ANK2: variants seen among roughly 807,000 people sequenced by gnomAD.
ANK2 encodes ankyrin 2, also known as ankyrin-2.
ANK2 carries 83 observed loss-of-function variants against 360.5 expected under a neutral mutation model. The observed-to-expected ratio is 0.23, with a 90% CI of 0.19 to 0.28. The LOEUF (loss-of-function observed/expected upper bound fraction) is 0.28. ANK2 is among the 10% of genes least tolerant of loss of function. The pLI, the probability that ANK2 is intolerant of heterozygous loss-of-function variation, is 1.00. For missense variants in ANK2, 4,201 were observed against 4,795.7 expected, an observed-to-expected ratio of 0.88 and a Z score of 3.66; for synonymous variants, 1,740 against 1,759.5, an observed-to-expected ratio of 0.99 and a Z score of 0.28.
At chr4:113,324,741 C>T (rs561533485) in intron 26 of ANK2, among the ~76,000 whole-genome samples, 19 of 152,256 alleles carry the variant, frequency 1.2e-4, no homozygotes, top group South Asian at 1.2e-3. Context: ...CCTCAGAAAT[C>T]GGATTTAATC....
chr4:113,226,048 G>A (rs995441566), intron 4 of ANK2, among the ~76,000 whole-genome samples: 1 of 152,094 alleles, frequency 6.6e-6, no homozygotes, highest in Non-Finnish European at 1.5e-5. Flanking sequence ...GTGAAACAGA[G>A]TATAAATAAA....
Position 112,881,830 on chromosome 4 carries a change from T to C in ANK2, c.-39-22625T>C, listed in dbSNP as rs138830407. 269 of 937,902 alleles carry C rather than the reference T, an allele frequency of 2.9e-4. 2 individuals carry two copies. In the East Asian group the frequency reaches 6.4e-3, roughly 22 times the overall value. The allele number at this position is 937,902 out of a possible 1,614,324, so 58.1% of individuals were successfully genotyped here. A position where few individuals can be genotyped will look rare whatever the true frequency, so the allele number is the denominator to read the frequency against. ...TCTTCTTTAATGCCACCAACAAATA[T>C]CTTTTTCACAGTTAAGTGGGCACCG... On this transcript the variant is annotated intron_variant, in intron 1 of 30. Coordinates refer to the ANK2 transcript ENST00000503271.
chr4:113,192,054 C>T (rs1050360375), intron 2 of ANK2, among the ~76,000 whole-genome samples: 9 of 152,088 alleles, frequency 5.9e-5, no homozygotes, highest in African/African-American at 2.2e-4. Context: ...ACCAACAAAA[C>T]CATTTCTTTT....
At chr4:113,278,081 A>G (rs886071678) in intron 16 of ANK2, 146 bp downstream of exon 16, 3 of 827,812 alleles carry the variant, frequency 3.6e-6, no homozygotes, top group African/African-American at 1.7e-5. Flanking sequence ...GATGTCTTCC[A>G]TGACCGTCCA....
chr4:113,340,665 C>T (rs193034135), intron 32 of ANK2, among the ~76,000 whole-genome samples: 195 of 152,248 alleles, frequency 1.3e-3, no homozygotes, highest in African/African-American at 4.4e-3. Flanking sequence ...TCACTGCACT[C>T]CAGCCTGGGC....
the ANK2 span, among the ~76,000 whole-genome samples, chr4:112,710,903 TTA>T: frequency 0.02 from 2,783 of 141,234 alleles, 42 homozygotes; most frequent in African/African-American, 0.03. Flanking sequence ...TGAACAGGTT[TTA>T]TATATATATA....
intron 2 of ANK2, among the ~76,000 whole-genome samples, chr4:112,915,773 T>A (rs865930244): frequency 0.025 from 3,746 of 150,526 alleles, 124 homozygotes; most frequent in African/African-American, 0.078. Context: ...AATAAATAAA[T>A]AAATAAATAA....
In ANK2 at chr4:113,355,600, A is replaced by C. The variant is rs941371071; in HGVS notation, c.6982A>C (p.Thr2328Pro). 1.2e-6 allele frequency: 2 copies of C among 1,614,080 alleles called. No homozygotes were observed. The highest frequency in any genetic ancestry group is 1.1e-5 in the South Asian group (1 of 91,082). The change falls in exon 38 of 46, where the codon ACA becomes CCA. Residue 2328 changes from threonine (T) to proline (P), a missense_variant. Around this residue, in one of 4 missense-constraint regions of ANK2, gnomAD observed 2,642 missense variants for 2,714.5 expected, o/e 0.97. Coordinates refer to ENST00000357077, the MANE Select transcript of ANK2 (RefSeq NM_001148.6). Reference protein sequence around the residue: ...DTSPKRQDDCTGSCSVALAKE... With the variant: ...DTSPKRQDDCPGSCSVALAKE... ...AAGCCCTAAAAGACAAGATGATTGC[A>C]CAGGCAGCTGTAGTGTAGCATTAGC...
At chr4:112,812,248 A>C in the ANK2 span, among the ~76,000 whole-genome samples, 1 of 152,100 alleles carries the variant, frequency 6.6e-6, no homozygotes, top group Non-Finnish European at 1.5e-5. Context: ...TATCATTAGG[A>C]CTTTTATATA....
the ANK2 span, among the ~76,000 whole-genome samples, chr4:112,809,431 G>A: frequency 6.6e-6 from 1 of 151,216 alleles, no homozygotes; most frequent in African/African-American, 2.4e-5. Flanking sequence ...CATGGTGGCA[G>A]GTGCCTGTAG....
chr4:113,279,051 G>A (rs1443457029), intron 17 of ANK2, among the ~76,000 whole-genome samples: 1 of 152,014 alleles, frequency 6.6e-6, no homozygotes, highest in African/African-American at 2.4e-5. Context: ...GTGGGAGGAT[G>A]CCTTTTTGGT....
chr4:113,101,044 G>A (rs1233698559), intron 1 of ANK2, among the ~76,000 whole-genome samples: 1 of 152,110 alleles, frequency 6.6e-6, no homozygotes, highest in African/African-American at 2.4e-5. Context: ...GTATGATCTT[G>A]TAATGCTGTG....
At chr4:112,764,091 C>T in the ANK2 span, among the ~76,000 whole-genome samples, 1 of 151,766 alleles carries the variant, frequency 6.6e-6, no homozygotes, top group Non-Finnish European at 1.5e-5. Context: ...TGCAGGGGCC[C>T]GCCACCATGC....
At chr4:113,166,304 T>C (rs1431745988) in intron 1 of ANK2, among the ~76,000 whole-genome samples, 1 of 152,140 alleles carries the variant, frequency 6.6e-6, no homozygotes, top group Non-Finnish European at 1.5e-5. Context: ...GCCAAACTAA[T>C]ATCAACACAA....
At chr4:113,284,673 C>T (rs1422837899) in intron 18 of ANK2, among the ~76,000 whole-genome samples, 3 of 152,070 alleles carry the variant, frequency 2.0e-5, no homozygotes, top group Non-Finnish European at 4.4e-5. Flanking sequence ...ATCTTTATAA[C>T]AATGATTTCA....
intron 1 of ANK2, among the ~76,000 whole-genome samples, chr4:113,085,451 G>T (rs760341663): frequency 2.0e-5 from 3 of 151,844 alleles, no homozygotes; most frequent in Non-Finnish European, 2.9e-5. Flanking sequence ...GACTACAGGC[G>T]TGTGCCACCA....
At chr4:112,907,430 A>T (rs1317954173) in intron 2 of ANK2, among the ~76,000 whole-genome samples, 1 of 152,176 alleles carries the variant, frequency 6.6e-6, no homozygotes, top group African/African-American at 2.4e-5. Flanking sequence ...GCATTAGCAA[A>T]GAGAACTATT....
intron 1 of ANK2, among the ~76,000 whole-genome samples, chr4:113,142,998 G>T (rs2096693129): frequency 8.3e-6 from 1 of 120,510 alleles, no homozygotes; most frequent in Non-Finnish European, 1.7e-5. Flanking sequence ...ATCTGTTTCT[G>T]TTAATCTGCA....
intron 1 of ANK2, among the ~76,000 whole-genome samples, chr4:113,117,623 C>A (rs77823465): frequency 0.013 from 2,007 of 152,190 alleles, 55 homozygotes; most frequent in African/African-American, 0.045. Flanking sequence ...TTTGACCAAG[C>A]AAGGCAAAAA....
Sources: gnomAD v4.1 joint callset for allele counts (sites outside exome capture counted in the v4.1 genomes callset) on GRCh38, gnomAD v4.1.1 for gene constraint, gnomAD v4.1.1 regional missense constraint, MANE v1.5 for transcripts, NCBI Gene and HGNC (gene_info 2026-07-23, HGNC 2026-07-21) for gene names.